Variants in GSG1L observed in about 807,000 individuals in gnomAD.
The protein encoded by GSG1L is GSG1 like, also known as germ cell-specific gene 1-like protein.
A neutral mutation model predicts 42.1 loss-of-function variants in GSG1L; 24 were observed. That is an observed-to-expected ratio of 0.57 (90% CI 0.41 to 0.80). GSG1L has a LOEUF of 0.80. GSG1L is among the 30% of genes least tolerant of loss of function. GSG1L has a pLI of 0.00. For synonymous variants in GSG1L, 215 were observed against 203.5 expected, an observed-to-expected ratio of 1.06 and a Z score of -0.48; for missense variants, 445 against 472.2, an observed-to-expected ratio of 0.94 and a Z score of 0.53.
chr16:27,970,193 AAAGT>A (rs2085178725), intron 1 of GSG1L, among the ~76,000 whole-genome samples: 2 of 152,192 alleles, frequency 1.3e-5, no homozygotes, highest in African/African-American at 4.8e-5. Flanking sequence ...TTGAAGCAGA[AAAGT>A]TTTTAATTTT....
At chr16:27,953,990 A>G (rs1397938847) in intron 2 of GSG1L, among the ~76,000 whole-genome samples, 1 of 152,238 alleles carries the variant, frequency 6.6e-6, no homozygotes. Context: ...TTGGAATCAG[A>G]GCAGATAATG....
At position 27,828,773 on chromosome 16, in the gene GSG1L, C is replaced by A. The variant is rs2083242625; in HGVS notation, c.830+16G>T. Reference sequence around the variant, plus strand: ...GAGTCCCCGTGGTGGCCAGAGGTAACCCCCTGTGCACTGACCTCTCCCGGA... The same window carrying A: ...GAGTCCCCGTGGTGGCCAGAGGTAAACCCCTGTGCACTGACCTCTCCCGGA... On this transcript the variant is annotated intron_variant, in intron 5 of 6. Transcript: ENST00000447459. 11 of 1,608,342 alleles carry A rather than the reference C, an allele frequency of 6.8e-6. No individual in the cohort carries two copies. The highest frequency in any genetic ancestry group is 2.2e-5 in the East Asian group (1 of 44,740).
chr16:27,909,682 C>T (rs144111853), intron 2 of GSG1L, among the ~76,000 whole-genome samples: 45 of 140,268 alleles, frequency 3.2e-4, no homozygotes, highest in Non-Finnish European at 5.9e-4. Context: ...TGCTCTGTTG[C>T]CCATGCTGGA....
intron 2 of GSG1L, among the ~76,000 whole-genome samples, chr16:27,906,916 C>A (rs2084326844): frequency 6.6e-6 from 1 of 152,168 alleles, no homozygotes; most frequent in African/African-American, 2.4e-5. Flanking sequence ...ACTGCCCCTC[C>A]TGTGCCCTGG....
At chr16:28,036,779 T>C (rs551220887) in intron 1 of GSG1L, among the ~76,000 whole-genome samples, 2 of 152,256 alleles carry the variant, frequency 1.3e-5, no homozygotes, top group East Asian at 3.9e-4. Flanking sequence ...TGGGGTCACG[T>C]AGGAGAAATC....
At chr16:27,960,372 A>G (rs2085055777) in intron 2 of GSG1L, among the ~76,000 whole-genome samples, 1 of 152,184 alleles carries the variant, frequency 6.6e-6, no homozygotes, top group Admixed American at 6.5e-5. Context: ...AGTTCTCAGC[A>G]TAGCACCTGG....
chr16:27,871,871 G>A (rs34670878), intron 3 of GSG1L, among the ~76,000 whole-genome samples: 216 of 152,296 alleles, frequency 1.4e-3, no homozygotes, highest in Non-Finnish European at 2.4e-3. Context: ...GGTTGCCCAG[G>A]GCTGGGAAGA....
intron 5 of GSG1L, among the ~76,000 whole-genome samples, chr16:27,815,938 T>A (rs1332797002): frequency 6.6e-6 from 1 of 152,186 alleles, no homozygotes; most frequent in Non-Finnish European, 1.5e-5. Context: ...CACTCCAGCC[T>A]GGGTGACAGA....
Position 28,035,802 on chromosome 16 carries a change from C to T in GSG1L, c.349+27274G>A, listed in dbSNP as rs1027736319. Among the ~76,000 whole-genome samples, 10 of 152,178 alleles carry T rather than the reference C, an allele frequency of 6.6e-5. No homozygotes were observed. The East Asian group carries it at 7.7e-4, about 12-fold the overall frequency. On this transcript the variant is annotated intron_variant, in intron 1 of 6. Transcript: ENST00000447459. ...ACCCCAGGGAGAGTGACCCATCTGA[C>T]GTTCCACAGCTCATAAAGGACAAAG...
chr16:27,848,352 G>A (rs2083466590), intron 3 of GSG1L, among the ~76,000 whole-genome samples: 1 of 152,182 alleles, frequency 6.6e-6, no homozygotes, highest in Non-Finnish European at 1.5e-5. Flanking sequence ...AGGTGCTTGG[G>A]GATGTTGGGC....
intron 2 of GSG1L, among the ~76,000 whole-genome samples, chr16:27,889,338 G>A (rs769554076): frequency 1.4e-4 from 21 of 152,036 alleles, no homozygotes; most frequent in African/African-American, 4.8e-4. Flanking sequence ...TACTGGGCTC[G>A]GGAGCATCCG....
intron 4 of GSG1L, among the ~76,000 whole-genome samples, 196 bp from the exon 5 acceptor site, chr16:27,829,152 T>C (rs1567474266): frequency 6.6e-6 from 1 of 152,104 alleles, no homozygotes; most frequent in Non-Finnish European, 1.5e-5. Context: ...TATCTGCACA[T>C]TGTGATGCAG....
chr16:27,871,336 A>T (rs1289518514), intron 3 of GSG1L, among the ~76,000 whole-genome samples: 1 of 152,198 alleles, frequency 6.6e-6, no homozygotes, highest in African/African-American at 2.4e-5. Flanking sequence ...AATTGGGCAC[A>T]GACAAGTAAA....
At chr16:27,869,703 A>C (rs1281006113) in intron 3 of GSG1L, among the ~76,000 whole-genome samples, 807 of 52,950 alleles carry the variant, frequency 0.015, no homozygotes, top group Middle Eastern at 0.035. Flanking sequence ...GTCTCCCTCC[A>C]TTTCTCTCTC....
At chr16:27,982,893 T>G (rs1432354064) in intron 1 of GSG1L, among the ~76,000 whole-genome samples, 1 of 152,100 alleles carries the variant, frequency 6.6e-6, no homozygotes, top group African/African-American at 2.4e-5. Flanking sequence ...CTCCTACCAG[T>G]CCCCACCTCC....
chr16:27,946,609 G>GAA (rs1452088114), intron 2 of GSG1L, among the ~76,000 whole-genome samples: 103 of 9,718 alleles, frequency 0.011, 3 homozygotes, highest in African/African-American at 0.047. Context: ...GAGAGAGAGA[G>GAA]AGAGAGAGAG....
At chr16:27,959,303 CAAAAA>C (rs3033628) in intron 2 of GSG1L, among the ~76,000 whole-genome samples, 5 of 131,176 alleles carry the variant, frequency 3.8e-5, no homozygotes, top group Non-Finnish European at 8.1e-5. Flanking sequence ...ACTAATAATA[CAAAAA>C]AAAAAAAAAA....
At chr16:27,980,169 A>T (rs2085310215) in intron 1 of GSG1L, among the ~76,000 whole-genome samples, 1 of 152,164 alleles carries the variant, frequency 6.6e-6, no homozygotes, top group Non-Finnish European at 1.5e-5. Context: ...ATGCTGGCAG[A>T]AGGTGTGCAG....
intron 1 of GSG1L, among the ~76,000 whole-genome samples, chr16:27,988,752 A>T (rs2085416927): frequency 1.1e-5 from 1 of 88,350 alleles, no homozygotes; most frequent in South Asian, 4.5e-4. Flanking sequence ...ACTGCAATTA[A>T]GAAAAAAAAA....
Sources: allele counts gnomAD v4.1 joint callset (sites outside exome capture counted in the v4.1 genomes callset), GRCh38; gene constraint gnomAD v4.1.1; transcripts MANE v1.5; gene names NCBI Gene and HGNC (gene_info 2026-07-23, HGNC 2026-07-21).